The following DSTYK variants were observed in gnomAD, a reference collection of about 807,000 sequenced individuals.
DSTYK encodes dual serine/threonine and tyrosine protein kinase, also known as RIP-homologous kinase.
DSTYK carries 34 observed loss-of-function variants against 98.7 expected under a neutral mutation model. That is an observed-to-expected ratio of 0.34 (90% CI 0.26 to 0.46). DSTYK has a LOEUF of 0.46. Ranked by LOEUF, DSTYK falls within the 20% of genes least tolerant of loss-of-function variation. The pLI, the probability that DSTYK is intolerant of heterozygous loss-of-function variation, is 1.00. For synonymous variants in DSTYK, 462 were observed against 457.3 expected (o/e 1.01, Z -0.13); for missense variants, 962 against 1,181.7 (o/e 0.81, Z 2.73).
rs866894901 is a variant in DSTYK, at chr1:205,206,324, G to C, written c.265+4947C>G. On this transcript the variant is annotated intron_variant, in intron 1 of 12. Transcript: ENST00000367162. ...AGACAGAGTCTCGCTCTGTCGCCCA[G>C]GCTAGAGTGCAATGGTGCAATCTCG... Among the ~76,000 whole-genome samples, 12 of 151,074 alleles carry C rather than the reference G, an allele frequency of 7.9e-5. No homozygotes were observed. The South Asian group carries it at 8.3e-4, about 10-fold the overall frequency.
In DSTYK at chr1:205,161,239, AG is replaced by A; in HGVS notation, c.1948+18del. On this transcript the variant is annotated intron_variant, in intron 7 of 12. Coordinates refer to ENST00000367162, the MANE Select transcript of DSTYK (RefSeq NM_015375.3). Reference sequence around the variant, plus strand: ...TCCTGAACCATCCTCCAGTTTATCTAGAAGAAAACCAGACTCACGATGAAGC... The same window carrying A: ...TCCTGAACCATCCTCCAGTTTATCTAAAGAAAACCAGACTCACGATGAAGC... The A allele has an allele frequency of 6.2e-7, 1 of 1,613,472 alleles. No homozygotes were observed. Among genetic ancestry groups the A allele is most frequent in the Non-Finnish European group, 8.5e-7 (1 of 1,179,680 alleles).
At chr1:205,179,086 G>T (rs953414771) in intron 2 of DSTYK, among the ~76,000 whole-genome samples, 2 of 151,500 alleles carry the variant, frequency 1.3e-5, no homozygotes, top group African/African-American at 4.9e-5. Flanking sequence ...CCAAGATCTT[G>T]CTACTGCACT....
At chr1:205,207,628 C>T (rs1004523653) in intron 1 of DSTYK, among the ~76,000 whole-genome samples, 1 of 149,424 alleles carries the variant, frequency 6.7e-6, no homozygotes, top group Non-Finnish European at 1.5e-5. Flanking sequence ...TGGTGGCAGG[C>T]GCCTATAGTC....
At chr1:205,177,689 A>G (rs1263715705) in intron 2 of DSTYK, among the ~76,000 whole-genome samples, 1 of 152,054 alleles carries the variant, frequency 6.6e-6, no homozygotes, top group Non-Finnish European at 1.5e-5. Context: ...CAACATACTG[A>G]AACCTTATCT....
intron 2 of DSTYK, among the ~76,000 whole-genome samples, chr1:205,171,066 T>G (rs1658048600): frequency 6.6e-6 from 1 of 151,902 alleles, no homozygotes; most frequent in South Asian, 2.1e-4. Context: ...ATCTTTAAGT[T>G]CCTGGTTTTT....
At chr1:205,191,982 A>T (rs1414110204) in intron 1 of DSTYK, among the ~76,000 whole-genome samples, 3 of 151,888 alleles carry the variant, frequency 2.0e-5, no homozygotes, top group African/African-American at 7.3e-5. Flanking sequence ...AATTGTCTTA[A>T]GTGCAAACCA....
At chr1:205,193,034 T>C (rs1658757800) in intron 1 of DSTYK, among the ~76,000 whole-genome samples, 1 of 152,204 alleles carries the variant, frequency 6.6e-6, no homozygotes, top group South Asian at 2.1e-4. Flanking sequence ...ATACAATCCC[T>C]ATGAAAGTTG....
At chr1:205,161,094 T>C (rs1657706041) in intron 7 of DSTYK, among the ~76,000 whole-genome samples, 164 bp downstream of exon 7, 1 of 152,188 alleles carries the variant, frequency 6.6e-6, no homozygotes, top group Non-Finnish European at 1.5e-5. Context: ...ATTTGAACTA[T>C]ATAAATAGCA....
chr1:205,201,108 T>C (rs1221578618), intron 1 of DSTYK, among the ~76,000 whole-genome samples: 1 of 152,082 alleles, frequency 6.6e-6, no homozygotes, highest in Non-Finnish European at 1.5e-5. Context: ...TTTCGCTATG[T>C]TGGTCAGGCT....
At chr1:205,182,348 C>G (rs1658432857) in intron 2 of DSTYK, among the ~76,000 whole-genome samples, 1 of 151,680 alleles carries the variant, frequency 6.6e-6, no homozygotes, top group Non-Finnish European at 1.5e-5. Flanking sequence ...CAAGATCGTA[C>G]CACTGTACTC....
chr1:205,162,234 G>T (rs756885373), intron 5 of DSTYK, 22 bp from the exon 6 acceptor site: 2 of 1,609,506 alleles, frequency 1.2e-6, no homozygotes, highest in Admixed American at 1.7e-5. Flanking sequence ...AAGACAGCGA[G>T]ATCACCAAGG....
intron 2 of DSTYK, among the ~76,000 whole-genome samples, chr1:205,182,699 G>A (rs1198102539): frequency 1.3e-5 from 2 of 151,752 alleles, no homozygotes; most frequent in Admixed American, 6.6e-5. Flanking sequence ...CCAGATACTC[G>A]GGAGGCTGAG....
At chr1:205,200,191 C>A (rs945956556) in intron 1 of DSTYK, among the ~76,000 whole-genome samples, 1 of 152,008 alleles carries the variant, frequency 6.6e-6, no homozygotes, top group Non-Finnish European at 1.5e-5. Flanking sequence ...CGCCTACCAC[C>A]GCGACCAGAT....
At chr1:205,167,998 C>A (rs1474538882) in intron 3 of DSTYK, among the ~76,000 whole-genome samples, 1 of 152,048 alleles carries the variant, frequency 6.6e-6, no homozygotes, top group African/African-American at 2.4e-5. Flanking sequence ...CCCAGTTACT[C>A]GGGAGGCTGA....
Position 205,162,099 on chromosome 1 carries a change from A to G in DSTYK, c.1755T>C (p.Ile585=), listed in dbSNP as rs1319812670. ...SLSASKLAKS[I]CSQFRTRLNS... Reference sequence around the variant, plus strand: ...TGAGCCGAGTCCGGAATTGGCTGCAAATGCTCTTAGCCAATTTGGAGGCGC... The same window carrying G: ...TGAGCCGAGTCCGGAATTGGCTGCAGATGCTCTTAGCCAATTTGGAGGCGC... Residue 585 remains isoleucine, a synonymous_variant, in exon 6 of 13, where the codon ATT becomes ATC. Transcript: ENST00000367162. 6.2e-7 allele frequency: 1 copy of G among 1,614,112 alleles called. No homozygotes were observed. Among genetic ancestry groups the G allele is most frequent in the Admixed American group, 1.7e-5 (1 of 60,016 alleles).
chr1:205,168,043 T>A (rs537765762), intron 3 of DSTYK, among the ~76,000 whole-genome samples: 1 of 151,930 alleles, frequency 6.6e-6, no homozygotes, highest in East Asian at 1.9e-4. Context: ...GAGGCGGAGG[T>A]TGCAGTGAGT....
chr1:205,205,522 T>G (rs928872967), intron 1 of DSTYK, among the ~76,000 whole-genome samples: 3 of 152,254 alleles, frequency 2.0e-5, no homozygotes, highest in Non-Finnish European at 4.4e-5. Context: ...CTCAGCTCAC[T>G]GCAATCTCTG....
chr1:205,158,273 T>C (rs1041467587), intron 9 of DSTYK, among the ~76,000 whole-genome samples: 2 of 152,178 alleles, frequency 1.3e-5, no homozygotes, highest in Non-Finnish European at 2.9e-5. Context: ...CTCATGACTC[T>C]GGGAAGCATT....
chr1:205,208,752 T>G (rs992134523), intron 1 of DSTYK, among the ~76,000 whole-genome samples: 5 of 152,198 alleles, frequency 3.3e-5, no homozygotes, highest in African/African-American at 1.2e-4. Context: ...TCTGAATAAC[T>G]TGACCTTACA....
Sources: gnomAD v4.1 joint callset for allele counts (sites outside exome capture counted in the v4.1 genomes callset) on GRCh38, gnomAD v4.1.1 for gene constraint, MANE v1.5 for transcripts, NCBI Gene and HGNC (gene_info 2026-07-23, HGNC 2026-07-21) for gene names.